The following GABRA1 variants were observed in gnomAD, a reference collection of about 807,000 sequenced individuals.
GABRA1 encodes gamma-aminobutyric acid type A receptor subunit alpha1.
A neutral mutation model predicts 48.9 loss-of-function variants in GABRA1; 9 were observed. The ratio of observed to expected loss-of-function variants is 0.18; its 90% CI spans 0.11 to 0.32. The LOEUF (loss-of-function observed/expected upper bound fraction) is 0.32. GABRA1 is among the 10% of genes least tolerant of loss of function. The probability of loss-of-function intolerance (pLI) is 1.00; values close to 1 mark genes in which losing one functional copy is unlikely to be tolerated. For missense variants in GABRA1, 285 were observed against 553.8 expected (o/e 0.51, Z 4.87); for synonymous variants, 210 against 198.7 (o/e 1.06, Z -0.48).
At chr5:161,851,605 T>C (rs752165693) in intron 2 of GABRA1, among the ~76,000 whole-genome samples, 8 of 152,156 alleles carry the variant, frequency 5.3e-5, no homozygotes, top group Admixed American at 1.3e-4. Context: ...GTGTAGCCTA[T>C]TCCTGTGACC....
chr5:161,888,090 A>C (rs966137), intron 7 of GABRA1, among the ~76,000 whole-genome samples: 95,491 of 151,928 alleles, frequency 0.63, 30,315 homozygotes, highest in Admixed American at 0.71. Context: ...AAATATTGTC[A>C]CATCTAATTT....
chr5:161,852,045 T>A (rs531087140), intron 2 of GABRA1, among the ~76,000 whole-genome samples: 1 of 152,110 alleles, frequency 6.6e-6, no homozygotes, highest in Non-Finnish European at 1.5e-5. Context: ...AATAAGCATC[T>A]TATTCGTAGG....
chr5:161,874,494 C>T (rs1754262100), intron 5 of GABRA1, among the ~76,000 whole-genome samples: 1 of 152,090 alleles, frequency 6.6e-6, no homozygotes, highest in Non-Finnish European at 1.5e-5. Flanking sequence ...AAATCCAGTA[C>T]TCATTCCTCT....
intron 4 of GABRA1, among the ~76,000 whole-genome samples, chr5:161,869,763 C>T (rs1754028039): frequency 6.6e-6 from 1 of 152,142 alleles, no homozygotes; most frequent in South Asian, 2.1e-4. Context: ...GCAACTCATA[C>T]TTTTCACTTG....
At chr5:161,871,501 C>A (rs2113375351) in intron 4 of GABRA1, among the ~76,000 whole-genome samples, 1 of 152,240 alleles carries the variant, frequency 6.6e-6, no homozygotes, top group South Asian at 2.1e-4. Context: ...ATCCATCCAC[C>A]CAGTTTTCCT....
chr5:161,864,085 G>A (rs1203356572), intron 3 of GABRA1, among the ~76,000 whole-genome samples: 5 of 152,016 alleles, frequency 3.3e-5, no homozygotes, highest in Non-Finnish European at 7.4e-5. Context: ...AAAGTATAAG[G>A]AGGGGTTTAT....
chr5:161,854,955 T>C (rs1252243311), intron 3 of GABRA1, among the ~76,000 whole-genome samples: 1 of 151,508 alleles, frequency 6.6e-6, no homozygotes, highest in African/African-American at 2.4e-5. Context: ...TTGAATAAGA[T>C]AATCAAACTA....
At chr5:161,850,746 C>A in intron 1 of GABRA1, 50 bp from the exon 2 acceptor site, 2 of 1,485,416 alleles carry the variant, frequency 1.3e-6, no homozygotes, top group Non-Finnish European at 1.9e-6. Context: ...GTGGTTATAA[C>A]CTGATGTTTC....
intron 7 of GABRA1, among the ~76,000 whole-genome samples, chr5:161,890,157 G>A (rs572274255): frequency 6.6e-6 from 1 of 152,102 alleles, no homozygotes; most frequent in African/African-American, 2.4e-5. Flanking sequence ...AAGTGTTTAA[G>A]GACCTTGGAG....
chr5:161,890,649 T>A (rs1755047708), intron 7 of GABRA1, among the ~76,000 whole-genome samples: 1 of 152,114 alleles, frequency 6.6e-6, no homozygotes, highest in Non-Finnish European at 1.5e-5. Flanking sequence ...ATATGTGATG[T>A]ATTTGAATTA....
intron 5 of GABRA1, among the ~76,000 whole-genome samples, chr5:161,874,462 C>A (rs1754260191): frequency 6.6e-6 from 1 of 151,982 alleles, no homozygotes; most frequent in African/African-American, 2.4e-5. Context: ...TGATGAAACA[C>A]CATACACTTG....
rs374616425 is a variant in GABRA1, at chr5:161,882,610, C to T, written c.612C>T (p.Arg204=). The T allele has an allele frequency of 1.4e-5, 23 of 1,613,490 alleles. No individual in the cohort carries two copies. The African/African-American group carries it at 2.3e-4, about 16-fold the overall frequency. The change falls in exon 7 of 10, where the codon CGC becomes CGT. Residue 204 remains arginine (R), a synonymous_variant. Transcript: ENST00000393943. The stretch of plus-strand genomic sequence containing the variant: ...ATGAATGGACCAGAGAGCCAGCACG[C>T]TCAGTGGTTGTAGCAGAAGATGGAT... The part of the protein sequence containing the change: ...VVYEWTREPA[R]SVVVAEDGSR...
rs1387215077 is a variant in GABRA1, at chr5:161,897,669, T to A, written c.*247T>A. 4.2e-6 allele frequency: 2 copies of A among 474,694 alleles called. No homozygotes were observed. The highest frequency in any genetic ancestry group is 7.4e-6 in the Non-Finnish European group (2 of 269,058). 29.4% of individuals were successfully genotyped at this position (474,694 alleles called of 1,614,324 possible). ...AAAGTCATGTCAGAAGGAGACAGAA[T>A]GAGAGAGAAAAGAGGGGGAAGATGG... On this transcript the variant is annotated 3_prime_UTR_variant, in exon 10 of 10. Transcript: ENST00000393943.
rs772852609 is a variant in GABRA1, at chr5:161,875,526, A to G, written c.477-34A>G. Reference sequence around the variant, plus strand: ...ACTTATCAAGAAGTATCTAATCTATATGGCTCTTGTTTGTATTCTATGTTT... The same window carrying G: ...ACTTATCAAGAAGTATCTAATCTATGTGGCTCTTGTTTGTATTCTATGTTT... On this transcript the variant is annotated intron_variant, in intron 5 of 9. Coordinates refer to ENST00000393943, the MANE Select transcript of GABRA1 (RefSeq NM_001127644.2). The G allele has an allele frequency of 1.1e-5, 17 of 1,523,080 alleles. No individual in the cohort carries two copies. In the African/African-American group the frequency reaches 2.3e-4, roughly 21 times the overall value. The allele number at this position is 1,523,080 out of a possible 1,614,324, so 94.3% of individuals were successfully genotyped here. A position where few individuals can be genotyped will look rare whatever the true frequency, so the allele number is the denominator to read the frequency against.
chr5:161,879,577 A>G (rs1403478418), intron 6 of GABRA1, among the ~76,000 whole-genome samples: 1 of 152,146 alleles, frequency 6.6e-6, no homozygotes, highest in Non-Finnish European at 1.5e-5. Flanking sequence ...TCTGGTTACT[A>G]AAATTTAAGG....
chr5:161,899,484 A>T lies in GABRA1; in HGVS notation c.*2062A>T, dbSNP rs2113478026. On this transcript the variant is annotated 3_prime_UTR_variant, in exon 10 of 10. Transcript: ENST00000393943. ...TTATTGAGAGCATTTTACCTTCCAG[A>T]CTTCTCATGGCTAACTTTTGGTCTG... 1 of 152,194 alleles carries T rather than the reference A, an allele frequency of 6.6e-6. No individual in the cohort carries two copies. Among genetic ancestry groups the T allele is most frequent in the African/African-American group, 2.4e-5 (1 of 41,544 alleles). 9.4% of individuals were successfully genotyped at this position (152,194 alleles called of 1,614,324 possible).
At chr5:161,848,942 A>G in intron 1 of GABRA1, 2 of 454,774 alleles carry the variant, frequency 4.4e-6, no homozygotes, top group South Asian at 3.1e-5. Context: ...TTCCCTTTCC[A>G]GTGGACGCTG....
intron 4 of GABRA1, among the ~76,000 whole-genome samples, chr5:161,870,509 G>C (rs1754062274): frequency 6.6e-6 from 1 of 150,970 alleles, no homozygotes; most frequent in South Asian, 2.1e-4. Flanking sequence ...GGAGGTTGCA[G>C]TGAGCTATGA....
At chr5:161,875,485 A>G (rs367546876) in intron 5 of GABRA1, 75 bp from the exon 6 acceptor site, 3 of 1,157,780 alleles carry the variant, frequency 2.6e-6, no homozygotes, top group Non-Finnish European at 1.3e-6. Flanking sequence ...GCTACAGTTA[A>G]TAACATTCCA....
Sources: gnomAD v4.1 joint callset for allele counts (sites outside exome capture counted in the v4.1 genomes callset) on GRCh38, gnomAD v4.1.1 for gene constraint, MANE v1.5 for transcripts, NCBI Gene and HGNC (gene_info 2026-07-23, HGNC 2026-07-21) for gene names.